CNTNAP2: variants seen among roughly 807,000 people sequenced by gnomAD.
CNTNAP2 encodes the protein contactin associated protein 2.
In CNTNAP2, 98 loss-of-function variants were observed where a neutral mutation model predicts 155.2. The ratio of observed to expected loss-of-function variants is 0.63; its 90% CI spans 0.54 to 0.75. CNTNAP2 has a LOEUF of 0.75. Among genes scored for constraint, CNTNAP2 ranks in the 30% least tolerant of loss-of-function variants. CNTNAP2 has a pLI of 0.00. For missense variants in CNTNAP2, 1,727 were observed against 1,688.1 expected (o/e 1.02, Z -0.40); for synonymous variants, 651 against 631.2 (o/e 1.03, Z -0.47).
chr7:147,045,207 C>T (rs1425429780), intron 4 of CNTNAP2, among the ~76,000 whole-genome samples: 3 of 152,086 alleles, frequency 2.0e-5, no homozygotes, highest in Non-Finnish European at 4.4e-5. Context: ...CAAAAAGTCT[C>T]TTATTAGCCC....
chr7:148,100,726 T>A (rs1374366132), intron 15 of CNTNAP2, among the ~76,000 whole-genome samples: 4 of 152,236 alleles, frequency 2.6e-5, no homozygotes, highest in Non-Finnish European at 5.9e-5. Flanking sequence ...CAGTAATAAA[T>A]GTATACATTG....
At chr7:148,229,520 C>CA (rs1337505789) in intron 19 of CNTNAP2, 126 bp from the exon 20 acceptor site, 140 of 1,299,628 alleles carry the variant, frequency 1.1e-4, no homozygotes, top group Middle Eastern at 2.2e-4. Flanking sequence ...AAGACTCCGT[C>CA]AAAAAAAAGA....
intron 3 of CNTNAP2, among the ~76,000 whole-genome samples, chr7:146,887,239 C>T (rs1217374127): frequency 1.3e-5 from 2 of 152,026 alleles, no homozygotes; most frequent in East Asian, 1.9e-4. Flanking sequence ...AAACTCGCCT[C>T]CCCAGTTCAG....
intron 8 of CNTNAP2, among the ~76,000 whole-genome samples, chr7:147,134,712 T>C (rs1010286209): frequency 5.3e-5 from 8 of 151,964 alleles, no homozygotes; most frequent in Non-Finnish European, 1.0e-4. Context: ...TTCAATTAAA[T>C]GTGTAAATAA....
Position 147,362,403 on chromosome 7 carries a change from C to T in CNTNAP2, c.1499-33206C>T, listed in dbSNP as rs1012574214. On this transcript the variant is annotated intron_variant, in intron 9 of 23. Transcript: ENST00000361727. ...TCCTGCCTCGGCCACACAAAGTGCT[C>T]GGATTACAGGCATGAGCCACCACTT... Among the ~76,000 whole-genome samples the T allele has an allele frequency of 2.0e-5, 3 of 152,066 alleles. 1 individual carries two copies. The highest frequency in any genetic ancestry group is 2.0e-4 in the Admixed American group (3 of 15,256).
chr7:146,668,428 CTGTGTGTGTGTGTG>C (rs573459590), intron 1 of CNTNAP2, among the ~76,000 whole-genome samples: 8 of 115,490 alleles, frequency 6.9e-5, no homozygotes, highest in African/African-American at 1.5e-4. Context: ...TGTAATTTTC[CTGTGTGTGTGTGTG>C]TGTGTGTGTG....
In CNTNAP2 at chr7:146,781,340, C is replaced by G. The variant is rs559144910; in HGVS notation, c.208+6959C>G. 2.8e-5 allele frequency among the ~76,000 whole-genome samples: 4 copies of G among 142,638 alleles called. No individual in the cohort carries two copies. In the South Asian group the frequency reaches 8.4e-4, roughly 30 times the overall value. 93.6% of individuals were successfully genotyped at this position (142,638 alleles called of 152,430 possible). A position where few individuals can be genotyped will look rare whatever the true frequency, so the allele number is the denominator to read the frequency against. On this transcript the variant is annotated intron_variant, in intron 2 of 23. Transcript: ENST00000361727. ...AACCTACACATTCTGCCCATGTATT[C>G]CAGAACTTAAAAAAAAAAAATCACT...
At chr7:146,235,123 T>TA (rs1284155705) in intron 1 of CNTNAP2, among the ~76,000 whole-genome samples, 2 of 151,916 alleles carry the variant, frequency 1.3e-5, no homozygotes, top group Non-Finnish European at 2.9e-5. Context: ...TGGCTGTACA[T>TA]AGAAAATACA....
chr7:147,252,005 G>C (rs1001533532), intron 8 of CNTNAP2, among the ~76,000 whole-genome samples: 1 of 152,056 alleles, frequency 6.6e-6, no homozygotes, highest in Non-Finnish European at 1.5e-5. Context: ...GGGAATATAG[G>C]AAAAAGTGCT....
chr7:147,620,907 G>A (rs2888495), intron 12 of CNTNAP2, among the ~76,000 whole-genome samples: 13,611 of 151,964 alleles, frequency 0.09, 1,677 homozygotes, highest in African/African-American at 0.26. Flanking sequence ...AAGCAGATTT[G>A]ACCCAAAGAA....
intron 10 of CNTNAP2, among the ~76,000 whole-genome samples, chr7:147,467,943 A>C (rs1417079075): frequency 1.3e-5 from 2 of 152,046 alleles, no homozygotes; most frequent in African/African-American, 4.8e-5. Flanking sequence ...AAGAGGGAGG[A>C]TTGCTTGAGC....
intron 15 of CNTNAP2, among the ~76,000 whole-genome samples, chr7:148,031,053 A>T (rs568343439): frequency 7.4e-4 from 113 of 152,312 alleles, no homozygotes; most frequent in African/African-American, 2.5e-3. Flanking sequence ...GTTTTCAAGC[A>T]TGAAGTGAGC....
At chr7:146,877,292 A>G (rs1451018960) in intron 3 of CNTNAP2, among the ~76,000 whole-genome samples, 1 of 150,790 alleles carries the variant, frequency 6.6e-6, no homozygotes, top group Non-Finnish European at 1.5e-5. Flanking sequence ...ATTTGAGGCT[A>G]AGAGTTCGAA....
chr7:147,756,486 C>T (rs551083303), intron 13 of CNTNAP2, among the ~76,000 whole-genome samples: 1 of 152,114 alleles, frequency 6.6e-6, no homozygotes, highest in African/African-American at 2.4e-5. Flanking sequence ...GCAGCTGGCA[C>T]TCTTGCATAA....
chr7:147,334,776 G>A (rs1484236016), intron 9 of CNTNAP2, among the ~76,000 whole-genome samples: 1 of 152,136 alleles, frequency 6.6e-6, no homozygotes, highest in Non-Finnish European at 1.5e-5. Context: ...CCATGAATAA[G>A]CATGTTCGTG....
chr7:147,902,452 G>C (rs1424708797), intron 13 of CNTNAP2, among the ~76,000 whole-genome samples: 1 of 152,078 alleles, frequency 6.6e-6, no homozygotes, highest in African/African-American at 2.4e-5. Context: ...GGTAGTATTT[G>C]GTTGCATGAG....
chr7:146,520,737 C>T lies in CNTNAP2; in HGVS notation c.98-253534C>T, dbSNP rs532991356. On this transcript the variant is annotated intron_variant, in intron 1 of 23. Transcript: ENST00000361727. ...TTTATAATCTAACAAACTATGAACTCTTAAGCAACCAACTCTTAACTGGTG... is the reference window on the plus strand; with the variant it reads ...TTTATAATCTAACAAACTATGAACTTTTAAGCAACCAACTCTTAACTGGTG... 9.2e-5 allele frequency among the ~76,000 whole-genome samples: 14 copies of T among 151,910 alleles called. No individual in the cohort carries two copies. In the East Asian group the frequency reaches 2.7e-3, roughly 29 times the overall value.
intron 18 of CNTNAP2, among the ~76,000 whole-genome samples, chr7:148,208,616 T>C (rs11975702): frequency 0.29 from 44,799 of 152,016 alleles, 8,001 homozygotes; most frequent in African/African-American, 0.51. Flanking sequence ...AGAAGTGGTC[T>C]GTTCACTTTG....
At chr7:146,237,748 T>G (rs553778484) in intron 1 of CNTNAP2, among the ~76,000 whole-genome samples, 9 of 152,158 alleles carry the variant, frequency 5.9e-5, no homozygotes, top group Non-Finnish European at 1.2e-4. Context: ...GAAATACCAA[T>G]ATGAGGGCAA....
Sources: gnomAD v4.1 joint callset for allele counts (sites outside exome capture counted in the v4.1 genomes callset) on GRCh38, gnomAD v4.1.1 for gene constraint, MANE v1.5 for transcripts, NCBI Gene and HGNC (gene_info 2026-07-23, HGNC 2026-07-21) for gene names.